DAAM1: variants seen among roughly 807,000 people sequenced by gnomAD.
The protein encoded by DAAM1 is dishevelled associated activator of morphogenesis 1.
In DAAM1, 52 loss-of-function variants were observed where a neutral mutation model predicts 130.0. The observed-to-expected ratio is 0.40, with a 90% CI of 0.32 to 0.50. DAAM1 has a LOEUF of 0.50. Among genes scored for constraint, DAAM1 ranks in the 20% least tolerant of loss-of-function variants. The probability of loss-of-function intolerance (pLI) is 0.61; values close to 1 mark genes in which losing one functional copy is unlikely to be tolerated. For synonymous variants in DAAM1, 452 were observed against 444.5 expected (o/e 1.02, Z -0.21); for missense variants, 1,134 against 1,303.8 (o/e 0.87, Z 2.01).
chr14:59,326,560 A>T lies in DAAM1; in HGVS notation c.1225A>T (p.Ile409Leu), dbSNP rs192299759. The change falls in exon 11 of 25, where the codon ATA (isoleucine) becomes TTA (leucine). Residue 409 changes from isoleucine (I) to leucine (L), a missense_variant. Around this residue, in one of 3 missense-constraint regions of DAAM1, gnomAD observed 391 missense variants for 521.6 expected, o/e 0.75. Transcript: ENST00000360909. ...VQYWLLLDRIIQQIVIQNDKG... is the reference protein window; with the variant it reads ...VQYWLLLDRILQQIVIQNDKG... ...GTACTGGCTACTACTAGATAGAATT[A>T]TACAGCAGATAGTTATCCAGAATGA... 6.2e-7 allele frequency: 1 copy of T among 1,614,036 alleles called. No individual in the cohort carries two copies. The highest frequency in any genetic ancestry group is 1.1e-5 in the South Asian group (1 of 91,070).
At chr14:59,310,358 C>G (rs941941366) in intron 3 of DAAM1, among the ~76,000 whole-genome samples, 2 of 151,988 alleles carry the variant, frequency 1.3e-5, no homozygotes, top group African/African-American at 4.8e-5. Context: ...GTATCGAACT[C>G]CCAGCCTCAA....
At chr14:59,262,300 G>A (rs1214634410) in intron 1 of DAAM1, among the ~76,000 whole-genome samples, 1 of 152,062 alleles carries the variant, frequency 6.6e-6, no homozygotes, top group Non-Finnish European at 1.5e-5. Flanking sequence ...AAGACGCAAT[G>A]GCATCATGCT....
At chr14:59,228,602 T>A (rs1889013022) in intron 1 of DAAM1, among the ~76,000 whole-genome samples, 2 of 152,196 alleles carry the variant, frequency 1.3e-5, no homozygotes, top group African/African-American at 4.8e-5. Context: ...TAGATTTCAC[T>A]CATATATTTG....
intron 1 of DAAM1, among the ~76,000 whole-genome samples, chr14:59,225,152 C>T (rs938199133): frequency 6.6e-6 from 1 of 151,404 alleles, no homozygotes; most frequent in East Asian, 1.9e-4. Context: ...CTCAGCCTCC[C>T]GAGTAGCTGG....
intron 1 of DAAM1, among the ~76,000 whole-genome samples, chr14:59,234,993 C>T (rs781427650): frequency 3.3e-5 from 5 of 151,982 alleles, no homozygotes; most frequent in Admixed American, 1.3e-4. Context: ...GGGATGAAGT[C>T]GACTTGATCA....
chr14:59,281,589 G>A (rs1883224153), intron 2 of DAAM1, among the ~76,000 whole-genome samples: 1 of 152,072 alleles, frequency 6.6e-6, no homozygotes, highest in African/African-American at 2.4e-5. Context: ...ATGTCATGAA[G>A]GGACCTTTAC....
At chr14:59,309,860 G>A (rs1456345514) in intron 3 of DAAM1, among the ~76,000 whole-genome samples, 1 of 152,178 alleles carries the variant, frequency 6.6e-6, no homozygotes, top group Non-Finnish European at 1.5e-5. Context: ...TCCATCTTCT[G>A]TGCTTCTCTT....
At chr14:59,254,395 G>A (rs1054938678) in intron 1 of DAAM1, among the ~76,000 whole-genome samples, 2 of 152,184 alleles carry the variant, frequency 1.3e-5, no homozygotes, top group Admixed American at 6.5e-5. Flanking sequence ...GACAAAGCTG[G>A]CTGTGGAGTT....
At chr14:59,206,916 T>C (rs1466209897) in intron 1 of DAAM1, among the ~76,000 whole-genome samples, 2 of 152,268 alleles carry the variant, frequency 1.3e-5, no homozygotes, top group Non-Finnish European at 2.9e-5. Context: ...TTTTGATTAA[T>C]TATTAATTTA....
chr14:59,336,453 T>C (rs1885630102), intron 15 of DAAM1, among the ~76,000 whole-genome samples: 1 of 152,206 alleles, frequency 6.6e-6, no homozygotes, highest in East Asian at 1.9e-4. Context: ...GTGAATAAGC[T>C]TTCAAAAAGA....
intron 2 of DAAM1, among the ~76,000 whole-genome samples, chr14:59,288,365 A>C (rs536721873): frequency 6.6e-6 from 1 of 152,324 alleles, no homozygotes; most frequent in East Asian, 1.9e-4. Context: ...GCTTTGGCAA[A>C]GAATTTCTGA....
intron 4 of DAAM1, among the ~76,000 whole-genome samples, chr14:59,315,571 G>A (rs1884759720): frequency 6.6e-6 from 1 of 152,150 alleles, no homozygotes; most frequent in Non-Finnish European, 1.5e-5. Context: ...AGCACACACT[G>A]CAATATAATT....
At chr14:59,349,315 T>C (rs998306911) in intron 17 of DAAM1, among the ~76,000 whole-genome samples, 7 of 152,246 alleles carry the variant, frequency 4.6e-5, no homozygotes, top group Admixed American at 2.0e-4. Flanking sequence ...GCAAAATTCC[T>C]CCTTGAGGGA....
chr14:59,263,597 C>T lies in DAAM1; in HGVS notation c.120C>T (p.Thr40=), dbSNP rs746202835. ...ATGATAGCAACTTTGCGCTTCAGAC[C>T]ATGGAACCAGCATTGCCCATGCCCC... ...LRNDSNFALQ[T]MEPALPMPPV... The change falls in exon 2 of 25, where the codon ACC becomes ACT. Residue 40 remains threonine (T), a synonymous_variant. Transcript: ENST00000360909. 4.3e-6 allele frequency: 7 copies of T among 1,614,050 alleles called. No individual in the cohort carries two copies. The highest frequency in any genetic ancestry group is 2.2e-5 in the East Asian group (1 of 44,898).
intron 1 of DAAM1, among the ~76,000 whole-genome samples, chr14:59,204,922 A>G (rs1177090454): frequency 6.6e-6 from 1 of 152,208 alleles, no homozygotes; most frequent in Non-Finnish European, 1.5e-5. Context: ...GCAACTCACA[A>G]ATATGCTTCA....
chr14:59,308,939 G>C (rs954127914), intron 3 of DAAM1, among the ~76,000 whole-genome samples: 3 of 152,106 alleles, frequency 2.0e-5, no homozygotes, highest in Non-Finnish European at 4.4e-5. Flanking sequence ...AGATGTACTT[G>C]ATATATAATT....
chr14:59,216,584 G>A (rs1234705525), intron 1 of DAAM1, among the ~76,000 whole-genome samples: 2 of 152,126 alleles, frequency 1.3e-5, no homozygotes, highest in Non-Finnish European at 2.9e-5. Context: ...AGTTGCTCGT[G>A]GTGGCATGTG....
chr14:59,331,822 G>A lies in DAAM1; in HGVS notation c.1870G>A (p.Glu624Lys). 6.2e-7 allele frequency: 1 copy of A among 1,613,452 alleles called. No individual in the cohort carries two copies. Among genetic ancestry groups the A allele is most frequent in the Non-Finnish European group, 8.5e-7 (1 of 1,179,746 alleles). The change falls in exon 15 of 25, where the codon GAA becomes AAA. Residue 624 changes from glutamate to lysine, a missense_variant. By Grantham distance (56) the Glu-to-Lys change is moderately conservative. Around this residue, in one of 3 missense-constraint regions of DAAM1, gnomAD observed 644 missense variants for 695.9 expected, o/e 0.93. Coordinates refer to ENST00000360909, the MANE Select transcript of DAAM1 (RefSeq NM_001270520.2). ...NWSKLPENKL[E>K]GTVWTEIDDT... ...ACATTGATGTTTCTAGAACAAACTG[G>A]AAGGAACAGTATGGACCGAAATTGA...
chr14:59,255,975 C>G (rs1376151979), intron 1 of DAAM1, among the ~76,000 whole-genome samples: 2 of 152,152 alleles, frequency 1.3e-5, no homozygotes, highest in Non-Finnish European at 2.9e-5. Context: ...CCCTCCCTCC[C>G]TCCAGCATAT....
Sources: allele counts gnomAD v4.1 joint callset (sites outside exome capture counted in the v4.1 genomes callset), GRCh38; gene constraint gnomAD v4.1.1; regional missense constraint gnomAD v4.1.1; transcripts MANE v1.5; gene names NCBI Gene and HGNC (gene_info 2026-07-23, HGNC 2026-07-21).